PSKH2: variants seen among roughly 807,000 people sequenced by gnomAD.
PSKH2 encodes serine/threonine-protein kinase H2.
PSKH2 carries 16 observed loss-of-function variants against 22.5 expected under a neutral mutation model. The ratio of observed to expected loss-of-function variants is 0.71; its 90% confidence interval spans 0.48 to 1.08. The LOEUF is 1.08. Among genes scored for constraint, PSKH2 ranks in the 50% least tolerant of loss-of-function variants. The pLI, the probability that PSKH2 is intolerant of heterozygous loss-of-function variation, is 0.00. For missense variants in PSKH2, 516 were observed against 492.8 expected (o/e 1.05, Z -0.44); for synonymous variants, 188 against 184.8 (o/e 1.02, Z -0.14).
intron 2 of PSKH2, among the ~76,000 whole-genome samples, chr8:86,051,296 C>G (rs1817626779): frequency 6.6e-6 from 1 of 152,108 alleles, no homozygotes; most frequent in Non-Finnish European, 1.5e-5. Context: ...CCACGTTAGC[C>G]AGGCTGGTCT....
intron 1 of PSKH2, among the ~76,000 whole-genome samples, chr8:86,066,116 T>C (rs997826517): frequency 6.6e-6 from 1 of 152,192 alleles, no homozygotes; most frequent in African/African-American, 2.4e-5. Flanking sequence ...ACCCAACTTC[T>C]TGTTTTACTG....
intron 1 of PSKH2, among the ~76,000 whole-genome samples, chr8:86,067,564 T>C (rs1230406198): frequency 6.6e-6 from 1 of 151,592 alleles, no homozygotes; most frequent in East Asian, 2.0e-4. Flanking sequence ...TTTAGTAGGT[T>C]GGACAATTTT....
chr8:86,049,680 AAG>A (rs1817585300), intron 2 of PSKH2, among the ~76,000 whole-genome samples: 1 of 8,934 alleles, frequency 1.1e-4, no homozygotes, highest in African/African-American at 3.0e-4. Context: ...AGAAAGAAGA[AAG>A]AAAGAAAGAA....
intron 2 of PSKH2, among the ~76,000 whole-genome samples, chr8:86,055,877 C>G (rs1365060504): frequency 6.6e-6 from 1 of 152,072 alleles, no homozygotes; most frequent in East Asian, 1.9e-4. Context: ...AAAAGTATTT[C>G]CTAACAGTAT....
intron 2 of PSKH2, 38 bp from the exon 3 acceptor site, chr8:86,048,805 AAAATGGAAAT>A (rs1194725543): frequency 1.4e-6 from 2 of 1,469,692 alleles, no homozygotes; most frequent in Non-Finnish European, 1.8e-6. Flanking sequence ...TAAAATAAAT[AAAATGGAAAT>A]ATACACAAAC....
chr8:86,066,896 T>C (rs1346368310), intron 1 of PSKH2, among the ~76,000 whole-genome samples: 1 of 152,066 alleles, frequency 6.6e-6, no homozygotes, highest in Non-Finnish European at 1.5e-5. Flanking sequence ...TCACATGCAT[T>C]CTCAGTGTGA....
chr8:86,060,644 T>G (rs981093372), intron 2 of PSKH2, among the ~76,000 whole-genome samples: 6 of 152,168 alleles, frequency 3.9e-5, no homozygotes, highest in Admixed American at 3.3e-4. Context: ...ACCAAACCTG[T>G]GTTATTTTAT....
chr8:86,056,636 C>G (rs1817700678), intron 2 of PSKH2, among the ~76,000 whole-genome samples: 1 of 152,092 alleles, frequency 6.6e-6, no homozygotes. Flanking sequence ...CCTAGTCTCC[C>G]AAGTTAATAG....
intron 2 of PSKH2, among the ~76,000 whole-genome samples, chr8:86,061,145 C>T (rs1817772244): frequency 6.6e-6 from 1 of 152,110 alleles, no homozygotes; most frequent in Non-Finnish European, 1.5e-5. Flanking sequence ...AATATCTCCC[C>T]TGCTGAATAA....
intron 1 of PSKH2, chr8:86,066,547 G>A (rs1817862066): frequency 6.6e-6 from 1 of 152,054 alleles, no homozygotes. Context: ...ACAGAGAATG[G>A]AATGTACTCA....
rs150513341 is a variant in PSKH2, at chr8:86,064,375, G to T, written c.442C>A (p.Arg148=). Residue 148 remains arginine, a synonymous_variant, in exon 2 of 3, where the codon CGA becomes AGA. Transcript: ENST00000276616. ...ELATGGELFD[R]LIAQGSFTER... is the part of the protein sequence containing the mutation. Reference sequence around the variant, plus strand: ...GTAAAGGATCCCTGAGCAATGAGTCGATCAAAGAGCTCCCCTCCGGTAGCC... The same window carrying T: ...GTAAAGGATCCCTGAGCAATGAGTCTATCAAAGAGCTCCCCTCCGGTAGCC... 22 of 1,613,956 alleles carry T rather than the reference G, an allele frequency of 1.4e-5. No individual in the cohort carries two copies. The African/African-American group carries it at 2.4e-4, about 18-fold the overall frequency.
Position 86,048,220 on chromosome 8 carries a change from A to G in PSKH2, c.*242T>C, listed in dbSNP as rs939951553. On this transcript the variant is annotated 3_prime_UTR_variant, in exon 3 of 3. Coordinates refer to ENST00000276616, the MANE Select transcript of PSKH2 (RefSeq NM_033126.3). ...ACATACTTTAAAGATTTTCTTATCTATTTATTGTTTCCAGTTATCTAAACA... is the reference window on the plus strand; with the variant it reads ...ACATACTTTAAAGATTTTCTTATCTGTTTATTGTTTCCAGTTATCTAAACA... 2.0e-4 allele frequency among the ~76,000 whole-genome samples: 30 copies of G among 152,154 alleles called. No homozygotes were observed. Among genetic ancestry groups the G allele is most frequent in the African/African-American group, 7.2e-4 (30 of 41,428 alleles).
At chr8:86,062,711 C>A (rs1817797539) in intron 2 of PSKH2, among the ~76,000 whole-genome samples, 1 of 152,170 alleles carries the variant, frequency 6.6e-6, no homozygotes, top group South Asian at 2.1e-4. Context: ...AACTGTGAGA[C>A]AGCTAAACCT....
At chr8:86,062,598 C>A (rs1194555646) in intron 2 of PSKH2, among the ~76,000 whole-genome samples, 1 of 151,264 alleles carries the variant, frequency 6.6e-6, no homozygotes, top group Non-Finnish European at 1.5e-5. Context: ...GGGCTCTTTC[C>A]GCCTCTCTTT....
intron 2 of PSKH2, among the ~76,000 whole-genome samples, chr8:86,053,265 T>C (rs1817658213): frequency 6.6e-6 from 1 of 152,160 alleles, no homozygotes; most frequent in East Asian, 1.9e-4. Context: ...GGTGACTCTC[T>C]AACCCATCTC....
At chr8:86,055,354 T>C (rs750540654) in intron 2 of PSKH2, among the ~76,000 whole-genome samples, 3 of 152,140 alleles carry the variant, frequency 2.0e-5, no homozygotes, top group Non-Finnish European at 4.4e-5. Flanking sequence ...TCATTTCCCT[T>C]CCTAGAAACA....
intron 2 of PSKH2, among the ~76,000 whole-genome samples, chr8:86,051,445 A>G (rs372782656): frequency 3.3e-5 from 5 of 152,254 alleles, no homozygotes; most frequent in African/African-American, 1.2e-4. Flanking sequence ...TTTTTCCTTC[A>G]GTGTATTTAG....
rs572085036 is a variant in PSKH2 at position 86,053,491 on chromosome 8, C to A, written c.853-4724G>T. Among the ~76,000 whole-genome samples, 9 of 152,230 alleles carry A rather than the reference C, an allele frequency of 5.9e-5. 1 individual carries two copies. Among genetic ancestry groups the A allele is most frequent in the Admixed American group, 5.2e-4 (8 of 15,296 alleles). On this transcript the variant is annotated intron_variant, in intron 2 of 2. Coordinates refer to ENST00000276616, the MANE Select transcript of PSKH2 (RefSeq NM_033126.3). ...CCTATCTCCCCTCCTCACCATGAGC[C>A]CCAGGAATCCCATGGAGATTGGTGG...
chr8:86,049,881 GGGAA>G (rs141303568), intron 2 of PSKH2, among the ~76,000 whole-genome samples: 7,506 of 149,282 alleles, frequency 0.05, 550 homozygotes, highest in African/African-American at 0.16. Context: ...GAGGGAGGGA[GGGAA>G]GGAAGGAAGG....
Sources: gnomAD v4.1 joint callset for allele counts (sites outside exome capture counted in the v4.1 genomes callset) on GRCh38, gnomAD v4.1.1 for gene constraint, MANE v1.5 for transcripts, NCBI Gene and HGNC (gene_info 2026-07-23, HGNC 2026-07-21) for gene names.